Variants in SDK1 observed in about 807,000 individuals in gnomAD.
SDK1 encodes the protein protein sidekick-1.
A neutral mutation model predicts 245.5 loss-of-function variants in SDK1; 157 were observed. The ratio of observed to expected loss-of-function variants is 0.64; its 90% confidence interval spans 0.56 to 0.73. The LOEUF (loss-of-function observed/expected upper bound fraction) is 0.73, where lower values mean the gene tolerates loss of function less well. Among genes scored for constraint, SDK1 ranks in the 30% least tolerant of loss-of-function variants. The pLI is 0.00. For synonymous variants in SDK1, 1,647 were observed against 1,278.5 expected (o/e 1.29, Z -6.15); for missense variants, 3,583 against 3,002.3 (o/e 1.19, Z -4.52).
At chr7:3,529,880 G>A (rs1016128026) in intron 1 of SDK1, among the ~76,000 whole-genome samples, 3 of 152,076 alleles carry the variant, frequency 2.0e-5, no homozygotes, top group East Asian at 1.9e-4. Context: ...TATTCCTGAC[G>A]ACATCCCAGC....
intron 1 of SDK1, among the ~76,000 whole-genome samples, chr7:3,523,218 A>T (rs1783002903): frequency 6.6e-6 from 1 of 152,228 alleles, no homozygotes; most frequent in South Asian, 2.1e-4. Context: ...TTAAAGAGCC[A>T]CTGCAGAAGC....
chr7:4,016,794 G>A (rs1157895559), intron 16 of SDK1, among the ~76,000 whole-genome samples: 3 of 152,092 alleles, frequency 2.0e-5, no homozygotes, highest in South Asian at 2.1e-4. Context: ...GTCTCCCCAC[G>A]TTTCAGACTC....
rs1359401204 is a variant in SDK1 at position 3,987,325 on chromosome 7, A to G, written c.2131+3A>G. ...CATCGTGGAGCTCTCTGAAAACAGT[A>G]AGTAGCAAAATGAAACTGTCACCAT... is the stretch of plus-strand genomic sequence containing the variant. On this transcript the variant is annotated splice_donor_region_variant and intron_variant, in intron 14 of 44. Coordinates refer to ENST00000404826, the MANE Select transcript of SDK1 (RefSeq NM_152744.4). 2 of 1,613,576 alleles carry G rather than the reference A, an allele frequency of 1.2e-6. No individual in the cohort carries two copies. The highest frequency in any genetic ancestry group is 1.7e-6 in the Non-Finnish European group (2 of 1,179,698).
intron 25 of SDK1, among the ~76,000 whole-genome samples, chr7:4,124,363 C>G (rs1337156865): frequency 2.6e-5 from 4 of 152,220 alleles, no homozygotes; most frequent in African/African-American, 7.2e-5. Flanking sequence ...CTGGGCCCCT[C>G]TCCAGCATCT....
intron 2 of SDK1, among the ~76,000 whole-genome samples, chr7:3,636,723 G>C (rs1242575531): frequency 6.6e-6 from 1 of 152,168 alleles, no homozygotes; most frequent in Non-Finnish European, 1.5e-5. Context: ...CTCAGAAGTG[G>C]GATTTGGGGG....
chr7:3,376,149 A>T (rs1583765367), intron 1 of SDK1, among the ~76,000 whole-genome samples: 1 of 152,258 alleles, frequency 6.6e-6, no homozygotes, highest in Admixed American at 6.5e-5. Context: ...GTGAGCCATG[A>T]TCATGCCTCT....
intron 4 of SDK1, chr7:3,642,901 C>T (rs1269136177): frequency 1.3e-5 from 2 of 152,198 alleles, no homozygotes; most frequent in African/African-American, 4.8e-5. Flanking sequence ...TTATGCCATC[C>T]AGTGGTTGCA....
At chr7:4,201,820 A>G (rs1783902704) in intron 35 of SDK1, among the ~76,000 whole-genome samples, 1 of 151,922 alleles carries the variant, frequency 6.6e-6, no homozygotes, top group African/African-American at 2.4e-5. Context: ...GCAACAGCAG[A>G]CACCCAGCAT....
intron 2 of SDK1, among the ~76,000 whole-genome samples, chr7:3,625,118 A>G (rs1782073375): frequency 6.6e-6 from 1 of 152,186 alleles, no homozygotes; most frequent in Non-Finnish European, 1.5e-5. Flanking sequence ...CAAACATTCA[A>G]AATAGATCCT....
chr7:4,233,099 G>C, intron 40 of SDK1, 156 bp from the exon 41 acceptor site: 1 of 635,118 alleles, frequency 1.6e-6, no homozygotes, highest in Non-Finnish European at 2.7e-6. Flanking sequence ...TTGCGAAACT[G>C]AGACTCCGTC....
At chr7:3,554,863 T>A (rs1021557714) in intron 1 of SDK1, among the ~76,000 whole-genome samples, 2 of 152,134 alleles carry the variant, frequency 1.3e-5, no homozygotes, top group African/African-American at 4.8e-5. Flanking sequence ...ATACTAGGAA[T>A]TAAGTTAACC....
At chr7:4,154,273 A>G (rs1180465345) in intron 30 of SDK1, among the ~76,000 whole-genome samples, 4 of 152,188 alleles carry the variant, frequency 2.6e-5, no homozygotes, top group African/African-American at 7.2e-5. Flanking sequence ...CTTTCTAAAT[A>G]TATCGGTTAT....
intron 5 of SDK1, among the ~76,000 whole-genome samples, chr7:3,943,731 G>C (rs578039207): frequency 1.3e-5 from 2 of 152,138 alleles, no homozygotes; most frequent in South Asian, 4.2e-4. Flanking sequence ...TTCTGTTTCA[G>C]AGACTTGATA....
intron 1 of SDK1, among the ~76,000 whole-genome samples, chr7:3,618,300 C>T (rs1013844407): frequency 1.3e-5 from 2 of 152,168 alleles, no homozygotes; most frequent in Admixed American, 1.3e-4. Flanking sequence ...ACCTTCACCC[C>T]CGTCGCTATC....
chr7:3,597,970 T>C (rs1301324429), intron 1 of SDK1, among the ~76,000 whole-genome samples: 2 of 152,230 alleles, frequency 1.3e-5, no homozygotes, highest in Non-Finnish European at 2.9e-5. Context: ...CTGGAACTTC[T>C]GGATCATTGT....
chr7:4,012,075 T>C lies in SDK1; in HGVS notation c.2280-20T>C. 1.3e-6 allele frequency: 2 copies of C among 1,488,530 alleles called. No homozygotes were observed. The highest frequency in any genetic ancestry group is 1.8e-6 in the Non-Finnish European group (2 of 1,122,102). 92.2% of individuals were successfully genotyped at this position (1,488,530 alleles called of 1,614,324 possible). A position where few individuals can be genotyped will look rare whatever the true frequency, so the allele number is the denominator to read the frequency against. On this transcript the variant is annotated intron_variant, in intron 15 of 44. Coordinates refer to ENST00000404826, the MANE Select transcript of SDK1 (RefSeq NM_152744.4). ...TTCTGGTACTCATCTCTCTTGTTCC[T>C]ACCCGTCTTTTATTTATAGGTTGAT...
chr7:4,198,134 G>A (rs557871777), intron 35 of SDK1, among the ~76,000 whole-genome samples: 14 of 152,312 alleles, frequency 9.2e-5, no homozygotes, highest in African/African-American at 2.2e-4. Context: ...CACTTGCCCC[G>A]TAGGGCCTCT....
intron 35 of SDK1, among the ~76,000 whole-genome samples, chr7:4,199,056 C>A (rs1427763207): frequency 6.6e-6 from 1 of 152,138 alleles, no homozygotes; most frequent in Non-Finnish European, 1.5e-5. Context: ...TTCAGGTGAT[C>A]CACCCTCCTC....
intron 1 of SDK1, among the ~76,000 whole-genome samples, chr7:3,364,479 T>A (rs1781034205): frequency 6.6e-6 from 1 of 152,192 alleles, no homozygotes; most frequent in Admixed American, 6.5e-5. Context: ...TGAGGTTCTT[T>A]TTTTGCTTTT....
Sources: gnomAD v4.1 joint callset for allele counts (sites outside exome capture counted in the v4.1 genomes callset) on GRCh38, gnomAD v4.1.1 for gene constraint, MANE v1.5 for transcripts, NCBI Gene and HGNC (gene_info 2026-07-23, HGNC 2026-07-21) for gene names.